MAP3K19: variants seen among roughly 807,000 people sequenced by gnomAD.
The protein encoded by MAP3K19 is mitogen-activated protein kinase kinase kinase 19, also known as SPS1/STE20-related protein kinase YSK4.
In MAP3K19, 91 loss-of-function variants were observed where a neutral mutation model predicts 114.4. The observed-to-expected ratio is 0.80, with a 90% confidence interval of 0.67 to 0.95. The LOEUF is 0.95. MAP3K19 is among the 40% of genes least tolerant of loss of function. The pLI, the probability that MAP3K19 is intolerant of heterozygous loss-of-function variation, is 0.00. For missense variants in MAP3K19, 1,471 were observed against 1,573.2 expected, an observed-to-expected ratio of 0.94 and a Z score of 1.10; for synonymous variants, 518 against 530.5, an observed-to-expected ratio of 0.98 and a Z score of 0.32.
At chr2:135,018,698 A>C (rs1687764373) in intron 5 of MAP3K19, among the ~76,000 whole-genome samples, 2 of 152,122 alleles carry the variant, frequency 1.3e-5, no homozygotes, top group African/African-American at 4.8e-5. Flanking sequence ...GTGAAAGTAA[A>C]TCAGTGGAGG....
rs751320812 is a variant in MAP3K19, at chr2:134,985,865, C to A, written c.3007G>T (p.Val1003Phe). Residue 1003 changes from valine (V) to phenylalanine (F), a missense_variant, in exon 10 of 13, where the codon GTC becomes TTC. Physicochemically the swap from Val to Phe is conservative, Grantham distance 50. Transcript: ENST00000392915. ...GGGGTACTTCCTCTCCATCTGAGGA[C>A]AAGATTTAGGTTTTCAGGATCTGTT... ...NETDPENLNL[V>F]LRWRGSTPKE... is the part of the protein sequence containing the mutation. 1.9e-5 allele frequency: 30 copies of A among 1,613,698 alleles called. No homozygotes were observed. The highest frequency in any genetic ancestry group is 2.4e-5 in the Non-Finnish European group (28 of 1,179,964).
chr2:135,003,641 G>A (rs1213701318), intron 6 of MAP3K19, among the ~76,000 whole-genome samples: 4 of 152,066 alleles, frequency 2.6e-5, no homozygotes, highest in Admixed American at 6.6e-5. Flanking sequence ...TGCAACCTCC[G>A]CCTCCCGGGT....
chr2:134,968,479 G>T (rs568766378), intron 12 of MAP3K19, among the ~76,000 whole-genome samples: 1 of 148,324 alleles, frequency 6.7e-6, no homozygotes, highest in Non-Finnish European at 1.5e-5. Context: ...GTGGCTGGCC[G>T]GGCGGGGGGC....
intron 9 of MAP3K19, among the ~76,000 whole-genome samples, chr2:134,990,023 A>G (rs1290856522): frequency 6.6e-6 from 1 of 152,026 alleles, no homozygotes; most frequent in Admixed American, 6.5e-5. Context: ...TGGTGGTTGC[A>G]GTGAGCCGAG....
chr2:135,015,759 G>A (rs151022079), intron 5 of MAP3K19, among the ~76,000 whole-genome samples: 2 of 152,134 alleles, frequency 1.3e-5, no homozygotes, highest in African/African-American at 2.4e-5. Context: ...CGGGCATGGT[G>A]GTGCATGCTT....
chr2:134,978,295 C>G (rs1204449927), intron 12 of MAP3K19, among the ~76,000 whole-genome samples: 1 of 151,588 alleles, frequency 6.6e-6, no homozygotes, highest in Non-Finnish European at 1.5e-5. Flanking sequence ...AAGCGATCCT[C>G]TCATCCTCTC....
At chr2:135,000,752 C>T (rs1468848563) in intron 6 of MAP3K19, among the ~76,000 whole-genome samples, 3 of 152,154 alleles carry the variant, frequency 2.0e-5, no homozygotes, top group Non-Finnish European at 2.9e-5. Flanking sequence ...AGCAGAGAGG[C>T]GTGTCCTTCC....
intron 2 of MAP3K19, among the ~76,000 whole-genome samples, chr2:135,039,045 G>A (rs1245622372): frequency 6.6e-6 from 1 of 151,878 alleles, no homozygotes; most frequent in African/African-American, 2.4e-5. Flanking sequence ...ATACAGAGAG[G>A]GCTTTTGAGG....
At chr2:134,971,017 T>C (rs992669012) in intron 12 of MAP3K19, among the ~76,000 whole-genome samples, 1 of 152,238 alleles carries the variant, frequency 6.6e-6, no homozygotes, top group African/African-American at 2.4e-5. Context: ...AGAAAGGCTT[T>C]CACCTTTTCC....
intron 2 of MAP3K19, among the ~76,000 whole-genome samples, chr2:135,039,637 A>G (rs976270790): frequency 5.9e-5 from 9 of 152,142 alleles, no homozygotes; most frequent in Admixed American, 6.6e-5. Flanking sequence ...AGAGGCATCA[A>G]CTTGTGCAGT....
chr2:134,991,331 A>G, intron 9 of MAP3K19: 1 of 577,022 alleles, frequency 1.7e-6, no homozygotes, highest in Non-Finnish European at 3.1e-6. Flanking sequence ...ACAAAACAAA[A>G]CAAAACAACC....
intron 6 of MAP3K19, among the ~76,000 whole-genome samples, chr2:135,001,384 G>A (rs1686433230): frequency 6.6e-6 from 1 of 152,250 alleles, no homozygotes; most frequent in African/African-American, 2.4e-5. Context: ...TTTTCAAAGA[G>A]GCTATCACCA....
chr2:134,971,390 T>A (rs1042887719), intron 12 of MAP3K19, among the ~76,000 whole-genome samples: 2 of 152,172 alleles, frequency 1.3e-5, no homozygotes, highest in African/African-American at 4.8e-5. Flanking sequence ...TTTTTTGTGG[T>A]TTTCGCATCC....
chr2:134,965,706 G>A (rs1395952159), intron 12 of MAP3K19, among the ~76,000 whole-genome samples: 1 of 152,002 alleles, frequency 6.6e-6, no homozygotes, highest in African/African-American at 2.4e-5. Context: ...GATATATAAT[G>A]AGTATTTGTC....
At chr2:134,966,418 G>GT (rs933047533) in intron 12 of MAP3K19, among the ~76,000 whole-genome samples, 11 of 151,626 alleles carry the variant, frequency 7.3e-5, no homozygotes, top group African/African-American at 9.7e-5. Flanking sequence ...ATTTTTGTGG[G>GT]TTTTTTTTAA....
intron 2 of MAP3K19, among the ~76,000 whole-genome samples, chr2:135,035,361 C>A (rs1688503965): frequency 6.6e-6 from 1 of 152,124 alleles, no homozygotes; most frequent in Non-Finnish European, 1.5e-5. Context: ...CGTGCTACTG[C>A]ACTCCAGCCT....
At chr2:134,977,975 A>C (rs973135198) in intron 12 of MAP3K19, among the ~76,000 whole-genome samples, 1 of 151,818 alleles carries the variant, frequency 6.6e-6, no homozygotes, top group Non-Finnish European at 1.5e-5. Flanking sequence ...ACTCCCTCCT[A>C]CCTGAAACTA....
chr2:135,027,255 A>G (rs560666161), intron 3 of MAP3K19, among the ~76,000 whole-genome samples: 1 of 151,824 alleles, frequency 6.6e-6, no homozygotes, highest in South Asian at 2.1e-4. Flanking sequence ...AAAAAGAGGA[A>G]AGGAAGAAAG....
chr2:135,024,813 G>T, intron 3 of MAP3K19, 72 bp from the exon 4 acceptor site: 6 of 576,598 alleles, frequency 1.0e-5, no homozygotes, highest in South Asian at 5.0e-5. Context: ...AATATGAGAG[G>T]GAAACATTTA....
Sources: gnomAD v4.1 joint callset for allele counts (sites outside exome capture counted in the v4.1 genomes callset) on GRCh38, gnomAD v4.1.1 for gene constraint, MANE v1.5 for transcripts, NCBI Gene and HGNC (gene_info 2026-07-23, HGNC 2026-07-21) for gene names.